The following PPP4R3B variants were observed in gnomAD, a reference collection of about 807,000 sequenced individuals.
PPP4R3B encodes the protein protein phosphatase 4 regulatory subunit 3B, also known as serine/threonine-protein phosphatase 4 regulatory subunit 3B.
PPP4R3B carries 52 observed loss-of-function variants against 95.4 expected under a neutral mutation model. That is an observed-to-expected ratio of 0.54 (90% confidence interval 0.44 to 0.69). PPP4R3B has a LOEUF of 0.69. Ranked by LOEUF, PPP4R3B falls within the 30% of genes least tolerant of loss-of-function variation. The pLI is 0.00. For synonymous variants in PPP4R3B, 407 were observed against 343.9 expected (o/e 1.18, Z -2.03); for missense variants, 1,003 against 1,005.9 (o/e 1.00, Z 0.04).
intron 12 of PPP4R3B, among the ~76,000 whole-genome samples, chr2:55,569,883 C>T (rs1439671613): frequency 6.6e-6 from 1 of 152,132 alleles, no homozygotes; most frequent in African/African-American, 2.4e-5. Context: ...TGGGGCTGGT[C>T]CCTACACTAA....
intron 12 of PPP4R3B, among the ~76,000 whole-genome samples, chr2:55,571,462 C>A (rs1687987274): frequency 6.6e-6 from 1 of 151,878 alleles, no homozygotes; most frequent in African/African-American, 2.4e-5. Flanking sequence ...TAATGTAATT[C>A]CAATCAAAAT....
chr2:55,587,566 A>G (rs1574819994), intron 5 of PPP4R3B, among the ~76,000 whole-genome samples: 1 of 152,260 alleles, frequency 6.6e-6, no homozygotes, highest in East Asian at 1.9e-4. Context: ...TCTGGGCAAC[A>G]GAGCAAGACT....
chr2:55,604,271 G>A (rs1262170794), intron 2 of PPP4R3B, among the ~76,000 whole-genome samples, 195 bp from the exon 3 acceptor site: 1 of 152,100 alleles, frequency 6.6e-6, no homozygotes, highest in Non-Finnish European at 1.5e-5. Context: ...AAATGACTGA[G>A]CAATTTTTTA....
intron 3 of PPP4R3B, among the ~76,000 whole-genome samples, chr2:55,600,318 C>T (rs557339792): frequency 2.0e-5 from 3 of 149,040 alleles, no homozygotes; most frequent in African/African-American, 7.4e-5. Flanking sequence ...CCCAGCTACT[C>T]GAGAGGCTGA....
chr2:55,594,168 C>A (rs1691432367), intron 4 of PPP4R3B, among the ~76,000 whole-genome samples: 1 of 151,960 alleles, frequency 6.6e-6, no homozygotes, highest in Non-Finnish European at 1.5e-5. Context: ...TGGGAGAGGA[C>A]TGAAGGTTTA....
chr2:55,588,845 A>C (rs554931972), intron 5 of PPP4R3B, 34 bp downstream of exon 5: 1 of 1,430,312 alleles, frequency 7.0e-7, no homozygotes, highest in East Asian at 2.3e-5. Flanking sequence ...CAAAAGAATA[A>C]GTGCTCTTTA....
rs770307264 is a variant in PPP4R3B at position 55,598,945 on chromosome 2, A to G, written c.392T>C (p.Leu131Pro). The G allele has an allele frequency of 3.1e-6, 5 of 1,614,218 alleles. No homozygotes were observed. The highest frequency in any genetic ancestry group is 2.2e-5 in the East Asian group (1 of 44,888). ...RFEEMPETSH[L>P]IDLPTCELNK... ...GAGTTCACATGTGGGCAGGTCAATCAGATGACTAGTTTCAGGCATTTCTTC... is the reference window on the plus strand; with the variant it reads ...GAGTTCACATGTGGGCAGGTCAATCGGATGACTAGTTTCAGGCATTTCTTC... Residue 131 changes from leucine (L) to proline (P), a missense_variant, in exon 4 of 17, where the codon CTG becomes CCG. Physicochemically the swap from Leu to Pro is moderately conservative, Grantham distance 98. Transcript: ENST00000616407.
At chr2:55,612,485 G>T (rs1296653002) in intron 2 of PPP4R3B, among the ~76,000 whole-genome samples, 1 of 151,998 alleles carries the variant, frequency 6.6e-6, no homozygotes, top group African/African-American at 2.4e-5. Flanking sequence ...TGGAGGTGCT[G>T]AAGCAAAAGG....
intron 13 of PPP4R3B, among the ~76,000 whole-genome samples, chr2:55,566,532 A>T (rs1687315680): frequency 6.6e-6 from 1 of 152,226 alleles, no homozygotes; most frequent in African/African-American, 2.4e-5. Context: ...TTCTTTTACC[A>T]GGTTAAAGAC....
chr2:55,577,103 C>G (rs1558983582), intron 11 of PPP4R3B, among the ~76,000 whole-genome samples: 2 of 152,162 alleles, frequency 1.3e-5, no homozygotes, highest in African/African-American at 4.8e-5. Context: ...CATCAGAAAA[C>G]AAGCTATAAA....
Position 55,605,345 on chromosome 2 carries a change from C to T in PPP4R3B, c.199-1269G>A, listed in dbSNP as rs148465721. Among the ~76,000 whole-genome samples the T allele has an allele frequency of 5.4e-4, 82 of 152,184 alleles. 1 individual carries two copies. The highest frequency in any genetic ancestry group is 1.7e-3 in the African/African-American group (71 of 41,510). ...TAAGTAGTACTTATAAATATCATGACCTGACATGAATACAAAACTAAAAAT... is the reference window on the plus strand; with the variant it reads ...TAAGTAGTACTTATAAATATCATGATCTGACATGAATACAAAACTAAAAAT... On this transcript the variant is annotated intron_variant, in intron 2 of 16. Coordinates refer to ENST00000616407, the MANE Select transcript of PPP4R3B (RefSeq NM_001122964.3).
Position 55,568,156 on chromosome 2 carries a change from T to C in PPP4R3B, c.1935+38A>G, listed in dbSNP as rs79690212. On this transcript the variant is annotated intron_variant, in intron 13 of 16. Coordinates refer to ENST00000616407, the MANE Select transcript of PPP4R3B (RefSeq NM_001122964.3). Reference sequence around the variant, plus strand: ...TTTTACATAAAAAATTATTTACATATAATTACATATAATAACAGCTGTTTT... The same window carrying C: ...TTTTACATAAAAAATTATTTACATACAATTACATATAATAACAGCTGTTTT... 5.9e-3 allele frequency: 7,787 copies of C among 1,311,456 alleles called. 381 individuals are homozygous for C. The African/African-American group carries it at 0.1, about 18-fold the overall frequency. 81.2% of individuals were successfully genotyped at this position (1,311,456 alleles called of 1,614,324 possible).
intron 16 of PPP4R3B, among the ~76,000 whole-genome samples, chr2:55,556,521 G>C (rs769691649): frequency 6.6e-6 from 1 of 151,582 alleles, no homozygotes; most frequent in Non-Finnish European, 1.5e-5. Flanking sequence ...AGCTAAAAGA[G>C]TTCAAAGGTA....
chr2:55,609,165 A>G (rs1178868516), intron 2 of PPP4R3B, among the ~76,000 whole-genome samples: 1 of 152,050 alleles, frequency 6.6e-6, no homozygotes, highest in African/African-American at 2.4e-5. Flanking sequence ...AAAAATTCAT[A>G]ATTCATCTGA....
intron 7 of PPP4R3B, among the ~76,000 whole-genome samples, chr2:55,582,060 G>A (rs910725907): frequency 6.6e-6 from 1 of 152,048 alleles, no homozygotes; most frequent in Non-Finnish European, 1.5e-5. Context: ...TAAATTTAGA[G>A]GTTGACTAAA....
chr2:55,559,151 A>G (rs1686255110), intron 15 of PPP4R3B, among the ~76,000 whole-genome samples, 183 bp from the exon 16 acceptor site: 1 of 152,100 alleles, frequency 6.6e-6, no homozygotes, highest in Admixed American at 6.5e-5. Context: ...GTTCAAGACC[A>G]GCCTGACCAA....
At chr2:55,557,065 C>CG (rs1319761415) in intron 16 of PPP4R3B, among the ~76,000 whole-genome samples, 69 of 146,508 alleles carry the variant, frequency 4.7e-4, no homozygotes, top group African/African-American at 1.3e-3. Flanking sequence ...TCTGTAACAA[C>CG]AACGACGACG....
At chr2:55,611,131 A>C (rs1440302280) in intron 2 of PPP4R3B, among the ~76,000 whole-genome samples, 1 of 151,756 alleles carries the variant, frequency 6.6e-6, no homozygotes, top group Non-Finnish European at 1.5e-5. Flanking sequence ...CAAAGTGTTG[A>C]GATTACAAGT....
intron 4 of PPP4R3B, among the ~76,000 whole-genome samples, chr2:55,595,261 T>C (rs1691605862): frequency 6.6e-6 from 1 of 151,502 alleles, no homozygotes; most frequent in African/African-American, 2.4e-5. Context: ...TGACCACAAG[T>C]GATCCTCCTG....
Sources: allele counts gnomAD v4.1 joint callset (sites outside exome capture counted in the v4.1 genomes callset), GRCh38; gene constraint gnomAD v4.1.1; transcripts MANE v1.5; gene names NCBI Gene and HGNC (gene_info 2026-07-23, HGNC 2026-07-21).